NPAS3: variants seen among roughly 807,000 people sequenced by gnomAD.
The protein encoded by NPAS3 is neuronal PAS domain-containing protein 3.
In NPAS3, 14 loss-of-function variants were observed where a neutral mutation model predicts 73.1. The ratio of observed to expected loss-of-function variants is 0.19; its 90% confidence interval spans 0.13 to 0.30. NPAS3 has a LOEUF of 0.30. NPAS3 is among the 10% of genes least tolerant of loss of function. NPAS3 has a pLI of 1.00. For synonymous variants in NPAS3, 620 were observed against 541.5 expected (o/e 1.14, Z -2.01); for missense variants, 1,096 against 1,250.0 (o/e 0.88, Z 1.86).
chr14:33,079,412 G>A (rs537953663), intron 2 of NPAS3, among the ~76,000 whole-genome samples: 7 of 143,894 alleles, frequency 4.9e-5, no homozygotes, highest in African/African-American at 7.8e-5. Flanking sequence ...TCCGCCTCCC[G>A]AGTTCAAGCG....
intron 1 of NPAS3, among the ~76,000 whole-genome samples, chr14:33,026,525 TGA>T: frequency 6.6e-6 from 1 of 151,112 alleles, no homozygotes; most frequent in East Asian, 1.9e-4. Flanking sequence ...ATGTGCTAAG[TGA>T]TTTTCCTTTT....
chr14:33,178,185 T>C (rs1420940020), intron 2 of NPAS3, among the ~76,000 whole-genome samples: 2 of 151,586 alleles, frequency 1.3e-5, no homozygotes, highest in Non-Finnish European at 2.9e-5. Flanking sequence ...AGTGATGCTT[T>C]TGCCTCAGCC....
chr14:33,444,294 C>T (rs1227403175), intron 4 of NPAS3, among the ~76,000 whole-genome samples: 1 of 152,182 alleles, frequency 6.6e-6, no homozygotes, highest in East Asian at 1.9e-4. Flanking sequence ...CATGTTCCTT[C>T]CTCTTTTTGT....
At position 33,284,157 on chromosome 14, in the gene NPAS3, G is replaced by A. The variant is rs574540908; in HGVS notation, c.385+68731G>A. On this transcript the variant is annotated intron_variant, in intron 3 of 11. Transcript: ENST00000356141. ...AAATAAAACAATTCTTACACATGCT[G>A]TCCTCATCCCAAAGTACAGCCAACA... 6.6e-5 allele frequency among the ~76,000 whole-genome samples: 10 copies of A among 152,158 alleles called. No homozygotes were observed. In the South Asian group the frequency reaches 2.1e-3, roughly 32 times the overall value.
intron 3 of NPAS3, among the ~76,000 whole-genome samples, chr14:33,291,357 A>C (rs924389050): frequency 2.0e-5 from 3 of 152,142 alleles, no homozygotes; most frequent in African/African-American, 4.8e-5. Flanking sequence ...TTCATGTAGG[A>C]ATATCAGGTT....
chr14:33,481,801 TAGG>T (rs780123075), intron 4 of NPAS3, among the ~76,000 whole-genome samples: 7 of 151,322 alleles, frequency 4.6e-5, no homozygotes, highest in Non-Finnish European at 7.4e-5. Flanking sequence ...TAAAAAAAAA[TAGG>T]AGGTGGTTTG....
At chr14:32,941,130 T>G (rs1337377910) in intron 1 of NPAS3, among the ~76,000 whole-genome samples, 3 of 152,074 alleles carry the variant, frequency 2.0e-5, no homozygotes, top group Non-Finnish European at 4.4e-5. Flanking sequence ...TTAAAAATTA[T>G]TTTTTATCTA....
chr14:33,731,879 G>A (rs2061411449), intron 6 of NPAS3, among the ~76,000 whole-genome samples: 4 of 152,128 alleles, frequency 2.6e-5, no homozygotes, highest in Admixed American at 2.6e-4. Flanking sequence ...GCTTTTAGTT[G>A]TGTAGGTCTT....
chr14:33,287,902 C>T (rs549277218), intron 3 of NPAS3, among the ~76,000 whole-genome samples: 1 of 152,204 alleles, frequency 6.6e-6, no homozygotes, highest in South Asian at 2.1e-4. Flanking sequence ...TTATTTTGTA[C>T]TTGTCAACTT....
chr14:33,202,048 A>T (rs913390016), intron 2 of NPAS3, among the ~76,000 whole-genome samples: 1 of 152,204 alleles, frequency 6.6e-6, no homozygotes, highest in Non-Finnish European at 1.5e-5. Context: ...ATAAATTTTT[A>T]AAATGTGCCT....
At chr14:33,246,330 G>C (rs2048373319) in intron 3 of NPAS3, among the ~76,000 whole-genome samples, 3 of 151,760 alleles carry the variant, frequency 2.0e-5, no homozygotes. Context: ...ACGAGGTCAG[G>C]AGATCCAGAC....
chr14:33,009,979 G>T (rs1036411234), intron 1 of NPAS3, among the ~76,000 whole-genome samples: 1 of 152,162 alleles, frequency 6.6e-6, no homozygotes, highest in Admixed American at 6.5e-5. Context: ...TTCGTTCCAC[G>T]ATTCAGTTAC....
intron 2 of NPAS3, among the ~76,000 whole-genome samples, chr14:33,189,555 C>T (rs1462228202): frequency 1.3e-5 from 2 of 152,076 alleles, no homozygotes; most frequent in African/African-American, 2.4e-5. Context: ...CCTTAGAACA[C>T]AAAAGAAGGA....
intron 5 of NPAS3, among the ~76,000 whole-genome samples, chr14:33,669,806 G>A (rs1036032572): frequency 6.6e-6 from 1 of 152,156 alleles, no homozygotes; most frequent in African/African-American, 2.4e-5. Context: ...TGAGAACTAG[G>A]AGACCCACTG....
At chr14:33,294,616 T>A (rs1809078109) in intron 3 of NPAS3, among the ~76,000 whole-genome samples, 1 of 152,200 alleles carries the variant, frequency 6.6e-6, no homozygotes, top group African/African-American at 2.4e-5. Context: ...TATTGTGTGA[T>A]CAGCATGTAT....
chr14:33,256,195 AT>A (rs2048774774), intron 3 of NPAS3, among the ~76,000 whole-genome samples: 1 of 152,210 alleles, frequency 6.6e-6, no homozygotes, highest in Non-Finnish European at 1.5e-5. Flanking sequence ...AAAAGTCATA[AT>A]AGTTTGTGTG....
intron 3 of NPAS3, among the ~76,000 whole-genome samples, chr14:33,218,449 T>C (rs888941954): frequency 2.0e-5 from 3 of 152,180 alleles, no homozygotes; most frequent in African/African-American, 2.4e-5. Context: ...CAAACATTCA[T>C]AAAACAATAA....
intron 3 of NPAS3, among the ~76,000 whole-genome samples, chr14:33,331,180 A>G (rs1358107503): frequency 2.6e-5 from 4 of 152,230 alleles, no homozygotes; most frequent in African/African-American, 9.6e-5. Context: ...CAGTACCGAG[A>G]CATTTTTAAG....
At chr14:33,479,158 C>T (rs2139687178) in intron 4 of NPAS3, among the ~76,000 whole-genome samples, 1 of 152,280 alleles carries the variant, frequency 6.6e-6, no homozygotes, top group Admixed American at 6.5e-5. Flanking sequence ...TTTCTTTGTG[C>T]TAAGGTACCT....
Sources: allele counts gnomAD v4.1 joint callset (sites outside exome capture counted in the v4.1 genomes callset), GRCh38; gene constraint gnomAD v4.1.1; transcripts MANE v1.5; gene names NCBI Gene and HGNC (gene_info 2026-07-23, HGNC 2026-07-21).